Variants in EVC2 observed in about 807,000 individuals in gnomAD.
EVC2 encodes the protein limbin.
A neutral mutation model predicts 149.3 loss-of-function variants in EVC2; 148 were observed. The ratio of observed to expected loss-of-function variants is 0.99; its 90% confidence interval spans 0.87 to 1.14. The LOEUF is 1.14. Among genes scored for constraint, EVC2 ranks in the 50% most tolerant of loss-of-function variants. The pLI, the probability that EVC2 is intolerant of heterozygous loss-of-function variation, is 0.00. For synonymous variants in EVC2, 776 were observed against 649.9 expected (o/e 1.19, Z -2.95); for missense variants, 1,854 against 1,627.3 (o/e 1.14, Z -2.40).
At chr4:5,584,346 A>G (rs368953494) in intron 17 of EVC2, among the ~76,000 whole-genome samples, 1 of 152,228 alleles carries the variant, frequency 6.6e-6, no homozygotes, top group East Asian at 1.9e-4. Flanking sequence ...TCCCTAGCAC[A>G]ATGAAAGAAA....
chr4:5,557,523 C>A (rs1721859272), downstream of EVC2, among the ~76,000 whole-genome samples: 1 of 152,096 alleles, frequency 6.6e-6, no homozygotes. Flanking sequence ...CTTACAACTT[C>A]TATTCAATAT....
At chr4:5,665,034 GATGGGATGCCCGTGGGTA>G (rs1048300832) in intron 8 of EVC2, among the ~76,000 whole-genome samples, 4 of 151,400 alleles carry the variant, frequency 2.6e-5, no homozygotes, top group Non-Finnish European at 4.4e-5. Context: ...GCGTGTGGGT[GATGGGATGCCCGTGGGTA>G]ATGGGATGCA....
intron 1 of EVC2, chr4:5,708,024 A>G (rs2151749653): frequency 2.7e-6 from 1 of 372,660 alleles, no homozygotes; most frequent in East Asian, 4.3e-5. Context: ...CGAAGCTCGT[A>G]AAATGGAGAG....
intron 9 of EVC2, among the ~76,000 whole-genome samples, chr4:5,648,217 T>G (rs1415183165): frequency 6.6e-6 from 1 of 152,226 alleles, no homozygotes; most frequent in Non-Finnish European, 1.5e-5. Flanking sequence ...TAGATTATTG[T>G]AAATGATAGC....
chr4:5,592,776 T>C (rs563906386), intron 16 of EVC2, among the ~76,000 whole-genome samples: 5 of 152,230 alleles, frequency 3.3e-5, no homozygotes, highest in Admixed American at 3.3e-4. Context: ...GTAAAAACAC[T>C]GCATATGTGG....
In EVC2 at chr4:5,574,866, C is replaced by G. The variant is rs189850047; in HGVS notation, c.3273-94G>C. The G allele has an allele frequency of 3.3e-3, 4,247 of 1,268,058 alleles. 11 individuals carry two copies. Among genetic ancestry groups the G allele is most frequent in the Non-Finnish European group, 4.5e-3 (3,943 of 878,672 alleles). The allele number at this position is 1,268,058 out of a possible 1,614,324, so 78.6% of individuals were successfully genotyped here. On this transcript the variant is annotated intron_variant, in intron 18 of 21. Coordinates refer to ENST00000344408, the MANE Select transcript of EVC2 (RefSeq NM_147127.5). The stretch of plus-strand genomic sequence containing the variant: ...ATTTAAATAACAAAGAAGCACACAT[C>G]TCAGCCATATGATTTTAAAAATATG...
Position 5,622,611 on chromosome 4 carries a change from T to C in EVC2, c.2427A>G (p.Arg809=), listed in dbSNP as rs1418655378. 1.9e-6 allele frequency: 3 copies of C among 1,613,826 alleles called. No homozygotes were observed. The highest frequency in any genetic ancestry group is 3.3e-5 in the Admixed American group (2 of 59,980). The change falls in exon 14 of 22, where the codon AGA becomes AGG. Residue 809 remains arginine, a synonymous_variant. Transcript: ENST00000344408. The surrounding 1 kb of genome is among the most constrained non-coding windows in gnomAD (Gnocchi z 5.8). ...DQEGVQSVRQ[R]LKDDAPEAVT... is the part of the protein sequence containing the mutation. ...CGGCCTCAGGAGCGTCATCCTTCAG[T>C]CTCTGCCTCACGCTCTGGACACCCT...
intron 3 of EVC2, among the ~76,000 whole-genome samples, chr4:5,692,184 T>C (rs539658529): frequency 6.6e-6 from 1 of 152,336 alleles, no homozygotes; most frequent in South Asian, 2.1e-4. Flanking sequence ...GTTTTGTATA[T>C]TTTTTATTTA....
At chr4:5,644,221 C>G (rs1419419362) in intron 9 of EVC2, among the ~76,000 whole-genome samples, 1 of 152,178 alleles carries the variant, frequency 6.6e-6, no homozygotes, top group South Asian at 2.1e-4. Flanking sequence ...GATCTAAGAT[C>G]TTCATTCAAT....
Position 5,665,643 on chromosome 4 carries a change from G to A in EVC2, c.877C>T (p.Pro293Ser). ...CCTGCTGCGTGGAGGCCGTGGTGCG[G>A]CAGAACCTGTGGAGACAAGAGGAGA... is the stretch of plus-strand genomic sequence containing the variant. ...ITAEENVTVLPHHGLHAAGFF... is the reference protein window; with the variant it reads ...ITAEENVTVLSHHGLHAAGFF... Residue 293 changes from proline (P) to serine (S), a missense_variant, in exon 8 of 22, where the codon CCG becomes TCG. Pro to Ser is a moderately conservative substitution (Grantham distance 74). Coordinates refer to ENST00000344408, the MANE Select transcript of EVC2 (RefSeq NM_147127.5). The A allele has an allele frequency of 6.2e-7, 1 of 1,614,110 alleles. No homozygotes were observed. The highest frequency in any genetic ancestry group is 8.5e-7 in the Non-Finnish European group (1 of 1,180,008).
chr4:5,631,017 TA>T (rs1716494452), intron 11 of EVC2, among the ~76,000 whole-genome samples: 1 of 152,170 alleles, frequency 6.6e-6, no homozygotes, highest in Non-Finnish European at 1.5e-5. Flanking sequence ...CTTGTGCATG[TA>T]AAATCCCTCA....
At chr4:5,700,867 A>G (rs994785185) in intron 1 of EVC2, among the ~76,000 whole-genome samples, 5 of 149,678 alleles carry the variant, frequency 3.3e-5, no homozygotes, top group Non-Finnish European at 7.4e-5. Flanking sequence ...AGTCCTCCTC[A>G]TCGCACACAC....
At chr4:5,675,976 T>C (rs928845739) in intron 7 of EVC2, among the ~76,000 whole-genome samples, 6 of 152,128 alleles carry the variant, frequency 3.9e-5, no homozygotes, top group African/African-American at 1.4e-4. Context: ...AGTATTGGAA[T>C]TGCACTCTAA....
chr4:5,596,439 G>A (rs1025712263), intron 16 of EVC2, among the ~76,000 whole-genome samples: 4 of 151,982 alleles, frequency 2.6e-5, no homozygotes, highest in African/African-American at 9.7e-5. Flanking sequence ...TCAACTACAG[G>A]GAAACTGAAC....
the EVC2 span, among the ~76,000 whole-genome samples, chr4:5,534,421 A>C: frequency 1.3e-5 from 2 of 152,174 alleles, no homozygotes; most frequent in Non-Finnish European, 2.9e-5. Flanking sequence ...GCATCATATA[A>C]AGGTGAGAGA....
At chr4:5,681,367 G>T in intron 6 of EVC2, 54 bp from the exon 7 acceptor site, 1 of 1,585,892 alleles carries the variant, frequency 6.3e-7, no homozygotes, top group South Asian at 1.1e-5. Flanking sequence ...TCTGACACGT[G>T]GGATAACATT....
chr4:5,654,228 T>C (rs1382648223), intron 9 of EVC2, among the ~76,000 whole-genome samples: 1 of 148,992 alleles, frequency 6.7e-6, no homozygotes, highest in African/African-American at 2.5e-5. Flanking sequence ...AAAAAAGAGG[T>C]TGGAAACAGC....
At chr4:5,565,505 T>C in intron 20 of EVC2, 146 bp from the exon 21 acceptor site, 1 of 672,324 alleles carries the variant, frequency 1.5e-6, no homozygotes, top group Non-Finnish European at 2.6e-6. Flanking sequence ...ACCCAGTCTC[T>C]ACTAAAAAAT....
intron 21 of EVC2, among the ~76,000 whole-genome samples, chr4:5,551,910 T>C (rs1440360969): frequency 6.6e-6 from 1 of 152,180 alleles, no homozygotes; most frequent in Non-Finnish European, 1.5e-5. Context: ...CCATGTAAGA[T>C]GTGACTTGCT....
Sources: allele counts gnomAD v4.1 joint callset (sites outside exome capture counted in the v4.1 genomes callset), GRCh38; gene constraint gnomAD v4.1.1; non-coding constraint Gnocchi (gnomAD v3.1); transcripts MANE v1.5; gene names NCBI Gene and HGNC (gene_info 2026-07-23, HGNC 2026-07-21).